ZNF214: variants seen among roughly 807,000 people sequenced by gnomAD.
The protein encoded by ZNF214 is BWSCR2-associated zinc finger protein 1.
A neutral mutation model predicts 53.9 loss-of-function variants in ZNF214; 43 were observed. The ratio of observed to expected loss-of-function variants is 0.80; its 90% CI spans 0.63 to 1.03. The LOEUF (loss-of-function observed/expected upper bound fraction) is 1.03. ZNF214 is among the 50% of genes least tolerant of loss of function. The pLI is 0.00. For missense variants in ZNF214, 724 were observed against 719.1 expected (o/e 1.01, Z -0.08); for synonymous variants, 217 against 229.5 (o/e 0.95, Z 0.49).
At chr11:7,014,878 G>T (rs537036125) in intron 1 of ZNF214, among the ~76,000 whole-genome samples, 10 of 151,350 alleles carry the variant, frequency 6.6e-5, no homozygotes, top group African/African-American at 2.4e-4. Flanking sequence ...CACGCTACTG[G>T]ACTCCAGGCT....
rs565495971 is a variant in ZNF214, at chr11:6,998,050, TAC to T, written c.*1810_*1811del. Among the ~76,000 whole-genome samples the T allele has an allele frequency of 2.8e-4, 43 of 152,114 alleles. No homozygotes were observed. In the East Asian group the frequency reaches 6.9e-3, roughly 25 times the overall value. On this transcript the variant is annotated 3_prime_UTR_variant, in exon 3 of 3. Coordinates refer to ENST00000278314, the MANE Select transcript of ZNF214 (RefSeq NM_013249.4). ...AACTCTCTTTAAGGCACATATACGC[TAC>T]ACTGTTTTCTTGCTTATCAAAAATA... is the stretch of plus-strand genomic sequence containing the variant.
chr11:7,008,185 C>G (rs139764866), intron 1 of ZNF214, among the ~76,000 whole-genome samples: 1,801 of 152,222 alleles, frequency 0.012, 33 homozygotes, highest in African/African-American at 0.041. Context: ...TAATTCCAAG[C>G]ACTTTGGGAG....
At chr11:7,010,842 T>G (rs1466571441) in intron 1 of ZNF214, among the ~76,000 whole-genome samples, 2 of 140,892 alleles carry the variant, frequency 1.4e-5, no homozygotes, top group African/African-American at 6.3e-5. Context: ...TGACATAAGA[T>G]TTTTCAATGA....
rs928910319 is a variant in ZNF214, at chr11:6,997,263, T to C, written c.*2599A>G. ...GCACTTTTCACCTTTAAAAACATAT[T>C]GTAGGTACTCCTTTATGTTTGTCTA... On this transcript the variant is annotated 3_prime_UTR_variant, in exon 3 of 3. Transcript: ENST00000278314. Among the ~76,000 whole-genome samples, 4 of 151,904 alleles carry C rather than the reference T, an allele frequency of 2.6e-5. No homozygotes were observed. Among genetic ancestry groups the C allele is most frequent in the Non-Finnish European group, 5.9e-5 (4 of 67,862 alleles).
intron 2 of ZNF214, among the ~76,000 whole-genome samples, chr11:7,002,338 A>G (rs1851374280): frequency 6.6e-6 from 1 of 152,060 alleles, no homozygotes; most frequent in African/African-American, 2.4e-5. Context: ...AGAATCATAA[A>G]AAATAATAAA....
Position 6,999,932 on chromosome 11 carries a change from C to T in ZNF214, c.1751G>A (p.Cys584Tyr). Residue 584 changes from cysteine (C) to tyrosine (Y), a missense_variant, in exon 3 of 3, where the codon TGC becomes TAC. Physicochemically the swap from Cys to Tyr is radical, Grantham distance 194. Coordinates refer to ENST00000278314, the MANE Select transcript of ZNF214 (RefSeq NM_013249.4). ...ATCAAATCCCTTATAATATTCACGG[C>T]ATTTGTAAGGTTTCTCTCCTGCATG... ...RVHAGEKPYK[C>Y]REYYKGFDHN... is the part of the protein sequence containing the mutation. 7 of 1,612,882 alleles carry T rather than the reference C, an allele frequency of 4.3e-6. No homozygotes were observed. Among genetic ancestry groups the T allele is most frequent in the Non-Finnish European group, 5.9e-6 (7 of 1,179,310 alleles).
intron 1 of ZNF214, among the ~76,000 whole-genome samples, chr11:7,017,237 G>A (rs891771831): frequency 6.6e-6 from 1 of 152,174 alleles, no homozygotes; most frequent in Admixed American, 6.5e-5. Context: ...CAAAGGCTCA[G>A]TAAGATAGAA....
intron 1 of ZNF214, among the ~76,000 whole-genome samples, chr11:7,003,547 C>T (rs11041129): frequency 0.13 from 19,066 of 151,970 alleles, 1,249 homozygotes; most frequent in Admixed American, 0.19. Context: ...CGCAATCTAA[C>T]GTTTAGCAAG....
At position 6,998,814 on chromosome 11, in the gene ZNF214, C is replaced by G. The variant is rs1851246256; in HGVS notation, c.*1048G>C. Among the ~76,000 whole-genome samples, 3 of 151,966 alleles carry G rather than the reference C, an allele frequency of 2.0e-5. No individual in the cohort carries two copies. In the South Asian group the frequency reaches 6.2e-4, roughly 31 times the overall value. ...ATTCTTTTCTTCAGTATTGCAATTC[C>G]CTCTAATTTTCCTAAACATGTCCAC... On this transcript the variant is annotated 3_prime_UTR_variant, in exon 3 of 3. Coordinates refer to ENST00000278314, the MANE Select transcript of ZNF214 (RefSeq NM_013249.4).
At chr11:7,011,758 AAG>A (rs1423275570) in intron 1 of ZNF214, among the ~76,000 whole-genome samples, 2 of 151,510 alleles carry the variant, frequency 1.3e-5, no homozygotes, top group Non-Finnish European at 2.9e-5. Context: ...TACCTAGAAA[AAG>A]AGTATACAAT....
At chr11:7,001,751 C>T (rs1386686893) in intron 2 of ZNF214, among the ~76,000 whole-genome samples, 196 bp from the exon 3 acceptor site, 4 of 151,910 alleles carry the variant, frequency 2.6e-5, no homozygotes, top group Non-Finnish European at 4.4e-5. Flanking sequence ...TTCATTCATT[C>T]ACTTATTTAT....
In ZNF214 at chr11:7,000,628, T is replaced by A. The variant is rs1851313582; in HGVS notation, c.1055A>T (p.His352Leu). ...ACATTTAAAAGGCTTCTCTCCTATG[T>A]GAAGTCTCTGGTGAATGTGAAGTAA... ...NSLLHIHQRL[H>L]IGEKPFKCNQ... The change falls in exon 3 of 3, where the codon CAC becomes CTC. Residue 352 changes from histidine to leucine, a missense_variant. Physicochemically the swap from His to Leu is moderately conservative, Grantham distance 99 (BLOSUM62 -3). Coordinates refer to ENST00000278314, the MANE Select transcript of ZNF214 (RefSeq NM_013249.4). The A allele has an allele frequency of 6.2e-7, 1 of 1,603,282 alleles. No homozygotes were observed. Among genetic ancestry groups the A allele is most frequent in the Non-Finnish European group, 8.5e-7 (1 of 1,176,314 alleles).
At chr11:7,016,091 A>C (rs1010237821) in intron 1 of ZNF214, 2 of 152,234 alleles carry the variant, frequency 1.3e-5, no homozygotes, top group East Asian at 3.8e-4. Flanking sequence ...ACTAAAAAGA[A>C]TTATATCAGA....
intron 1 of ZNF214, among the ~76,000 whole-genome samples, chr11:7,014,830 A>C (rs1055693707): frequency 8.7e-5 from 13 of 149,834 alleles, no homozygotes; most frequent in African/African-American, 2.9e-4. Flanking sequence ...CAAAAAAAAA[A>C]CACTACCCAG....
rs766484441 is a variant in ZNF214 at position 7,001,358 on chromosome 11, G to A, written c.325C>T (p.Leu109Phe). 2.5e-6 allele frequency: 4 copies of A among 1,613,164 alleles called. No individual in the cohort carries two copies. The Admixed American group carries it at 6.7e-5, about 27-fold the overall frequency. The change falls in exon 3 of 3, where the codon CTC (leucine) becomes TTC (phenylalanine). Residue 109 changes from leucine to phenylalanine, a missense_variant. Coordinates refer to ENST00000278314, the MANE Select transcript of ZNF214 (RefSeq NM_013249.4). ...DRSQCQEWLI[L>F]STQVPGYGNY... ...CCATACCCTGGTACTTGTGTGGAGAGTATTAACCATTCCTGACACTGGGAA... is the reference window on the plus strand; with the variant it reads ...CCATACCCTGGTACTTGTGTGGAGAATATTAACCATTCCTGACACTGGGAA...
Position 6,999,998 on chromosome 11 carries a change from C to T in ZNF214, c.1685G>A (p.Gly562Asp). The T allele has an allele frequency of 6.2e-7, 1 of 1,613,260 alleles. No individual in the cohort carries two copies. The highest frequency in any genetic ancestry group is 1.1e-5 in the South Asian group (1 of 91,062). The change falls in exon 3 of 3, where the codon GGT becomes GAT. Residue 562 changes from glycine to aspartate, a missense_variant. By Grantham distance (94) the Gly-to-Asp change is moderately conservative. Transcript: ENST00000278314. ...TCGAAGAGCTGAGCTATGACTGAAA[C>T]CTTTACCACACTTAGCACATTGATA... ...KPYQCAKCGK[G>D]FSHSSALRIH...
At chr11:7,002,659 A>G (rs1238272586) in intron 2 of ZNF214, 50 bp downstream of exon 2, 1 of 1,504,322 alleles carries the variant, frequency 6.6e-7, no homozygotes, top group African/African-American at 1.4e-5. Context: ...ATACTCAACA[A>G]AACTGCTCCT....
At position 7,017,174 on chromosome 11, in the gene ZNF214, A is replaced by T. The variant is rs187730943; in HGVS notation, c.-21+2899T>A. 1.3e-3 allele frequency among the ~76,000 whole-genome samples: 201 copies of T among 152,332 alleles called. 1 individual carries two copies. The highest frequency in any genetic ancestry group is 4.5e-3 in the Admixed American group (69 of 15,302). Reference sequence around the variant, plus strand: ...TGTGAAAAAGTCAACCCTACTAAGGATTAAAAAGGATGCAAATCAAGGCAA... The same window carrying T: ...TGTGAAAAAGTCAACCCTACTAAGGTTTAAAAAGGATGCAAATCAAGGCAA... On this transcript the variant is annotated intron_variant, in intron 1 of 2. Coordinates refer to ENST00000278314, the MANE Select transcript of ZNF214 (RefSeq NM_013249.4).
Position 7,000,839 on chromosome 11 carries a change from C to T in ZNF214, c.844G>A (p.Gly282Ser), listed in dbSNP as rs745916150. 1.2e-5 allele frequency: 19 copies of T among 1,612,114 alleles called. No individual in the cohort carries two copies. The highest frequency in any genetic ancestry group is 1.4e-5 in the Non-Finnish European group (17 of 1,179,244). ...KKLYGCDEVD[G>S]NFHQSSGVHF... ...ACTCCGGAGCTCTGATGAAAGTTAC[C>T]GTCAACTTCATCACATCCGTACAGC... The change falls in exon 3 of 3, where the codon GGT (glycine) becomes AGT (serine). Residue 282 changes from glycine (G) to serine (S), a missense_variant. Physicochemically the swap from Gly to Ser is moderately conservative, Grantham distance 56. Coordinates refer to ENST00000278314, the MANE Select transcript of ZNF214 (RefSeq NM_013249.4).
Sources: allele counts gnomAD v4.1 joint callset (sites outside exome capture counted in the v4.1 genomes callset), GRCh38; gene constraint gnomAD v4.1.1; transcripts MANE v1.5; gene names NCBI Gene and HGNC (gene_info 2026-07-23, HGNC 2026-07-21).